The following KALRN variants were observed in gnomAD, a reference collection of about 807,000 sequenced individuals.
KALRN encodes kalirin.
KALRN carries 70 observed loss-of-function variants against 353.7 expected under a neutral mutation model. The observed-to-expected ratio is 0.20, with a 90% CI of 0.16 to 0.24. The LOEUF is 0.24. Among genes scored for constraint, KALRN ranks in the 10% least tolerant of loss-of-function variants. KALRN has a pLI of 1.00. For synonymous variants in KALRN, 1,391 were observed against 1,434.8 expected (o/e 0.97, Z 0.69); for missense variants, 2,791 against 3,756.7 (o/e 0.74, Z 6.72).
rs1162974476 is a variant in KALRN, at chr3:124,632,292, G to GAGA, written c.5183-128_5183-127insAGA. On this transcript the variant is annotated intron_variant, in intron 34 of 59. Transcript: ENST00000682506. ...TGTTGTTGAGAGGGTTCTCTGGACT[G>GAGA]GGGTCTACAGCTGGCCTGGACATTC... 14 of 811,858 alleles carry GAGA rather than the reference G, an allele frequency of 1.7e-5. No homozygotes were observed. In the East Asian group the frequency reaches 3.5e-4, roughly 20 times the overall value. The allele number at this position is 811,858 out of a possible 1,614,324, so 50.3% of individuals were successfully genotyped here.
intron 1 of KALRN, among the ~76,000 whole-genome samples, chr3:124,083,571 A>G (rs1308347645): frequency 6.6e-6 from 1 of 152,250 alleles, no homozygotes; most frequent in Non-Finnish European, 1.5e-5. Context: ...TATTATTCTA[A>G]GCCCCTTACA....
intron 33 of KALRN, among the ~76,000 whole-genome samples, chr3:124,539,922 T>TGC: frequency 7.6e-6 from 1 of 132,006 alleles, no homozygotes; most frequent in East Asian, 2.0e-4. Context: ...TAATTTTTTT[T>TGC]GGGGGGGGGG....
intron 33 of KALRN, among the ~76,000 whole-genome samples, chr3:124,540,723 C>T (rs749320518): frequency 6.6e-6 from 1 of 152,228 alleles, no homozygotes; most frequent in Non-Finnish European, 1.5e-5. Context: ...ATCTCTCTAT[C>T]ATGGTGCTGT....
Position 124,694,372 on chromosome 3 carries a change from C to T in KALRN, c.7446C>T (p.Cys2482=), listed in dbSNP as rs333282. The part of the protein sequence containing the change: ...EFLVPLVDVT[C]LLGDTVILQC... ...TTGTGCCCTTGGTGGATGTGACCTG[C>T]TTGCTTGGGGACACAGTGATACTGC... Residue 2482 remains cysteine, a synonymous_variant, in exon 53 of 60, where the codon TGC becomes TGT. Coordinates refer to ENST00000682506, the MANE Select transcript of KALRN (RefSeq NM_001388419.1). The T allele has an allele frequency of 2.7e-3, 4,319 of 1,614,152 alleles. 92 individuals are homozygous for T. In the African/African-American group the frequency reaches 0.05, roughly 19 times the overall value.
chr3:124,136,665 C>T (rs982029647), intron 1 of KALRN, among the ~76,000 whole-genome samples: 7 of 152,118 alleles, frequency 4.6e-5, no homozygotes, highest in Admixed American at 3.9e-4. Context: ...AAACAATAAC[C>T]AGTTTCTTGC....
chr3:124,623,969 C>T (rs901149671), intron 34 of KALRN, among the ~76,000 whole-genome samples: 36 of 152,186 alleles, frequency 2.4e-4, no homozygotes, highest in Admixed American at 3.9e-4. Context: ...AAACAGTCGC[C>T]GTCTATCTGA....
At chr3:124,193,011 A>G (rs530275174) in intron 1 of KALRN, among the ~76,000 whole-genome samples, 2 of 152,234 alleles carry the variant, frequency 1.3e-5, no homozygotes, top group Non-Finnish European at 2.9e-5. Flanking sequence ...AATTGTCAGC[A>G]TATGTACTTC....
intron 24 of KALRN, 115 bp from the exon 25 acceptor site, chr3:124,462,409 C>G: frequency 3.2e-6 from 2 of 634,546 alleles, no homozygotes; most frequent in Non-Finnish European, 5.7e-6. Context: ...TTTTTAAACT[C>G]TGCACGCATT....
intron 1 of KALRN, among the ~76,000 whole-genome samples, chr3:124,198,727 C>T (rs112123802): frequency 3.5e-4 from 53 of 152,266 alleles, no homozygotes; most frequent in African/African-American, 1.1e-3. Context: ...ATGCAATTTA[C>T]GAAGACAAAA....
At chr3:124,605,259 G>T (rs983927828) in intron 34 of KALRN, among the ~76,000 whole-genome samples, 1 of 151,684 alleles carries the variant, frequency 6.6e-6, no homozygotes, top group Non-Finnish European at 1.5e-5. Flanking sequence ...ATTCCTTTCT[G>T]TGTGTGGTTA....
intron 1 of KALRN, among the ~76,000 whole-genome samples, chr3:124,137,664 C>T (rs1455193617): frequency 6.6e-6 from 1 of 152,106 alleles, no homozygotes; most frequent in Non-Finnish European, 1.5e-5. Flanking sequence ...TCCAAGGAGT[C>T]CTTACACGCA....
At chr3:124,407,079 C>T (rs1191262172) in intron 13 of KALRN, among the ~76,000 whole-genome samples, 1 of 152,042 alleles carries the variant, frequency 6.6e-6, no homozygotes, top group African/African-American at 2.4e-5. Context: ...GGTGATCCAC[C>T]TGCGAAAGTG....
chr3:124,695,477 G>C (rs1380946898), intron 53 of KALRN, among the ~76,000 whole-genome samples: 1 of 152,172 alleles, frequency 6.6e-6, no homozygotes, highest in Admixed American at 6.5e-5. Context: ...AAGAAGCCTA[G>C]TGTGAGACGC....
At chr3:124,360,494 C>T (rs904735170) in intron 10 of KALRN, among the ~76,000 whole-genome samples, 2 of 152,170 alleles carry the variant, frequency 1.3e-5, no homozygotes, top group Non-Finnish European at 2.9e-5. Context: ...AGAGTGGAAT[C>T]ACTCAAGTTT....
chr3:124,636,160 A>G (rs1167525528), intron 36 of KALRN, among the ~76,000 whole-genome samples: 1 of 152,226 alleles, frequency 6.6e-6, no homozygotes, highest in Non-Finnish European at 1.5e-5. Context: ...AAAGTAACTT[A>G]GATTAGATGA....
intron 3 of KALRN, among the ~76,000 whole-genome samples, chr3:124,262,206 C>CA (rs2072977592): frequency 1.3e-5 from 2 of 152,152 alleles, no homozygotes; most frequent in South Asian, 2.1e-4. Context: ...GATGGACTAT[C>CA]ACTAAATGCA....
chr3:124,397,919 A>C (rs1228351698), intron 12 of KALRN, among the ~76,000 whole-genome samples: 2 of 152,174 alleles, frequency 1.3e-5, no homozygotes, highest in Non-Finnish European at 2.9e-5. Context: ...AGGATTAATA[A>C]TTATCCATAC....
intron 25 of KALRN, among the ~76,000 whole-genome samples, chr3:124,472,202 T>C (rs574994395): frequency 3.5e-4 from 54 of 152,290 alleles, no homozygotes; most frequent in African/African-American, 1.2e-3. Context: ...GATCAATTCT[T>C]TAGACATAAT....
rs138839944 is a variant in KALRN at position 124,694,352 on chromosome 3, C to A, written c.7426C>A (p.Pro2476Thr). The A allele has an allele frequency of 1.7e-5, 27 of 1,614,066 alleles. No individual in the cohort carries two copies. The African/African-American group carries it at 3.3e-4, about 20-fold the overall frequency. Residue 2476 changes from proline to threonine, a missense_variant, in exon 53 of 60, where the codon CCC becomes ACC. By Grantham distance (38) the Pro-to-Thr change is conservative. Coordinates refer to ENST00000682506, the MANE Select transcript of KALRN (RefSeq NM_001388419.1). Reference sequence around the variant, plus strand: ...CACAGTGGCCCCAGAATTCCTTGTGCCCTTGGTGGATGTGACCTGCTTGCT... The same window carrying A: ...CACAGTGGCCCCAGAATTCCTTGTGACCTTGGTGGATGTGACCTGCTTGCT... ...IQEVAPEFLVPLVDVTCLLGD... is the reference protein window; with the variant it reads ...IQEVAPEFLVTLVDVTCLLGD...
Sources: gnomAD v4.1 joint callset for allele counts (sites outside exome capture counted in the v4.1 genomes callset) on GRCh38, gnomAD v4.1.1 for gene constraint, MANE v1.5 for transcripts, NCBI Gene and HGNC (gene_info 2026-07-23, HGNC 2026-07-21) for gene names.